MFSD11: variants seen among roughly 807,000 people sequenced by gnomAD.
MFSD11 encodes the protein UNC93-like protein MFSD11.
MFSD11 carries 36 observed loss-of-function variants against 53.5 expected under a neutral mutation model. The observed-to-expected ratio is 0.67, with a 90% CI of 0.52 to 0.89. The LOEUF is 0.89. Ranked by LOEUF, MFSD11 falls within the 40% of genes least tolerant of loss-of-function variation. The pLI, the probability that MFSD11 is intolerant of heterozygous loss-of-function variation, is 0.00. For synonymous variants in MFSD11, 186 were observed against 184.9 expected, an observed-to-expected ratio of 1.01 and a Z score of -0.05; for missense variants, 530 against 543.9, an observed-to-expected ratio of 0.97 and a Z score of 0.25.
the MFSD11 span, among the ~76,000 whole-genome samples, chr17:76,800,341 A>C: frequency 6.6e-6 from 1 of 152,160 alleles, no homozygotes; most frequent in African/African-American, 2.4e-5. Context: ...GGTATCCTTA[A>C]GGGAGGTAAA....
Position 76,744,386 on chromosome 17 carries a change from C to T in MFSD11, c.561C>T (p.Phe187=), listed in dbSNP as rs768185452. ...TTAGCCTTGTGGGGACAGTTCTATT[C>T]TTTCTCATTCGGAAACCAGATTCTG... ...TVISLVGTVL[F]FLIRKPDSEN... Residue 187 remains phenylalanine, a synonymous_variant, in exon 7 of 13, where the codon TTC becomes TTT. Transcript: ENST00000685175. 6 of 1,614,062 alleles carry T rather than the reference C, an allele frequency of 3.7e-6. No homozygotes were observed. In the Admixed American group the frequency reaches 8.3e-5, roughly 22 times the overall value.
upstream of MFSD11, chr17:76,737,699 GCC>G (rs1358769854): frequency 5.7e-6 from 1 of 175,696 alleles, no homozygotes; most frequent in Non-Finnish European, 1.2e-5. Flanking sequence ...TCAGCCGTCA[GCC>G]CCGTCTCCGT....
intron 7 of MFSD11, among the ~76,000 whole-genome samples, chr17:76,746,004 G>A (rs2078511241): frequency 6.6e-6 from 1 of 152,158 alleles, no homozygotes; most frequent in African/African-American, 2.4e-5. Flanking sequence ...TAGCAAGGAA[G>A]ACATGTAGAA....
At chr17:76,737,426 G>T (rs2077574536), upstream of MFSD11, 1 of 397,124 alleles carries the variant, frequency 2.5e-6, no homozygotes, top group Admixed American at 4.2e-5. Context: ...GGCCCACCGC[G>T]CCCCGCTTCG....
rs118052630 is a variant in MFSD11 at position 76,749,443 on chromosome 17, C to T, written c.642-4604C>T. Among the ~76,000 whole-genome samples, 126 of 151,896 alleles carry T rather than the reference C, an allele frequency of 8.3e-4. No individual in the cohort carries two copies. In the South Asian group the frequency reaches 0.013, roughly 16 times the overall value. On this transcript the variant is annotated intron_variant, in intron 7 of 12. Coordinates refer to ENST00000685175, the MANE Select transcript of MFSD11 (RefSeq NM_001242532.5). ...ACTTGAGAGACTGAGGTGGGAGAATCGCTTACGCCCAGGACGCGGAGGTTG... is the reference window on the plus strand; with the variant it reads ...ACTTGAGAGACTGAGGTGGGAGAATTGCTTACGCCCAGGACGCGGAGGTTG...
upstream of MFSD11, chr17:76,737,196 C>T (rs2143952227): frequency 2.0e-6 from 3 of 1,509,790 alleles, no homozygotes; most frequent in South Asian, 1.3e-5. Flanking sequence ...CGCGAACTGG[C>T]GCCGGCTTCC....
rs1324374129 is a variant in MFSD11, at chr17:76,776,039, C to T, written c.1050-367C>T. Among the ~76,000 whole-genome samples the T allele has an allele frequency of 1.3e-5, 2 of 152,148 alleles. No individual in the cohort carries two copies. The highest frequency in any genetic ancestry group is 2.1e-4 in the South Asian group (1 of 4,824). On this transcript the variant is annotated intron_variant, in intron 11 of 12. Coordinates refer to ENST00000685175, the MANE Select transcript of MFSD11 (RefSeq NM_001242532.5). This position sits in a 1 kb window ranked among gnomAD's most constrained non-coding sequence, Gnocchi z 4.2. ...GTCTGCCAGCCTAGAATGCAAGTGG[C>T]GTGATCTCCGCTCACTGCAACCTCC...
chr17:76,741,540 C>T (rs2078081640), intron 3 of MFSD11, among the ~76,000 whole-genome samples: 1 of 152,064 alleles, frequency 6.6e-6, no homozygotes, highest in Admixed American at 6.5e-5. Flanking sequence ...TTTGGGAGGC[C>T]GAGGTATTGC....
chr17:76,765,452 CTTTTTTTTTTTTT>C (rs59878271), intron 8 of MFSD11, among the ~76,000 whole-genome samples: 9 of 91,468 alleles, frequency 9.8e-5, no homozygotes, highest in East Asian at 6.1e-4. Flanking sequence ...CTTGAATTTC[CTTTTTTTTTTTTT>C]TTTTTTTTTT....
At chr17:76,753,395 G>A (rs778393541) in intron 7 of MFSD11, among the ~76,000 whole-genome samples, 2 of 152,122 alleles carry the variant, frequency 1.3e-5, no homozygotes, top group South Asian at 2.1e-4. Flanking sequence ...AGGATAGGCC[G>A]GGTGTGGTGG....
chr17:76,792,680 G>T, the MFSD11 span, among the ~76,000 whole-genome samples: 1 of 151,348 alleles, frequency 6.6e-6, no homozygotes, highest in East Asian at 1.9e-4. Context: ...GGTTGCAGGT[G>T]CAATTAAGGC....
downstream of MFSD11, among the ~76,000 whole-genome samples, chr17:76,783,253 A>AC (rs1409627599): frequency 2.6e-5 from 4 of 152,086 alleles, no homozygotes; most frequent in Admixed American, 2.6e-4. Flanking sequence ...ACTTGTAGCT[A>AC]AGTAAATGCT....
downstream of MFSD11, among the ~76,000 whole-genome samples, chr17:76,781,986 T>C (rs2082174138): frequency 2.7e-5 from 4 of 148,078 alleles, no homozygotes; most frequent in Admixed American, 2.7e-4. Flanking sequence ...CATGCCTGGA[T>C]AATTTTTTTT....
Position 76,742,049 on chromosome 17 carries a change from G to A in MFSD11, c.340+1G>A, listed in dbSNP as rs1240819535. ...GTTTTCATTGGAATTGCTGCTGCTGGTAAGCATTTTGATTTTTAACTTCTC... is the reference window on the plus strand; with the variant it reads ...GTTTTCATTGGAATTGCTGCTGCTGATAAGCATTTTGATTTTTAACTTCTC... On this transcript the variant is annotated splice_donor_variant, in intron 4 of 12. Transcript: ENST00000685175. LOFTEE classifies it high-confidence loss of function. 1 of 1,614,112 alleles carries A rather than the reference G, an allele frequency of 6.2e-7. No homozygotes were observed. Among genetic ancestry groups the A allele is most frequent in the African/African-American group, 1.3e-5 (1 of 75,014 alleles).
downstream of MFSD11, among the ~76,000 whole-genome samples, chr17:76,785,086 A>G (rs7211453): frequency 0.19 from 29,072 of 152,210 alleles, 3,345 homozygotes; most frequent in Admixed American, 0.26. Context: ...TTCATCAGTG[A>G]ATGGAACAAA....
At chr17:76,752,395 G>A (rs1235609491) in intron 7 of MFSD11, among the ~76,000 whole-genome samples, 4 of 151,576 alleles carry the variant, frequency 2.6e-5, no homozygotes, top group African/African-American at 7.3e-5. Flanking sequence ...GAAAAGTCAG[G>A]GATTTTTTTT....
At chr17:76,788,126 C>T in the MFSD11 span, among the ~76,000 whole-genome samples, 1 of 149,064 alleles carries the variant, frequency 6.7e-6, no homozygotes, top group South Asian at 2.2e-4. Context: ...CTGCAAGCTC[C>T]GCCTCCTGGG....
In MFSD11 at chr17:76,779,341, A is replaced by T. The variant is rs2082092323; in HGVS notation, c.*989A>T. The T allele has an allele frequency of 6.6e-6, 1 of 151,692 alleles. No homozygotes were observed. Among genetic ancestry groups the T allele is most frequent in the South Asian group, 2.1e-4 (1 of 4,826 alleles). 9.4% of individuals were successfully genotyped at this position (151,692 alleles called of 1,614,324 possible). A position where few individuals can be genotyped will look rare whatever the true frequency, so the allele number is the denominator to read the frequency against. The stretch of plus-strand genomic sequence containing the variant: ...ATAAATAACAAGATGCTGAAATGAA[A>T]TATTGATTTTGAAAAGATGTCTTCC... On this transcript the variant is annotated 3_prime_UTR_variant, in exon 13 of 13. Coordinates refer to ENST00000685175, the MANE Select transcript of MFSD11 (RefSeq NM_001242532.5).
chr17:76,746,206 T>G (rs77085217), intron 7 of MFSD11, among the ~76,000 whole-genome samples: 3,623 of 152,288 alleles, frequency 0.024, 146 homozygotes, highest in African/African-American at 0.082. Flanking sequence ...GCCACAACAT[T>G]CTCTGAAGCC....
Sources: gnomAD v4.1 joint callset for allele counts (sites outside exome capture counted in the v4.1 genomes callset) on GRCh38, gnomAD v4.1.1 for gene constraint, Gnocchi (gnomAD v3.1) non-coding constraint, MANE v1.5 for transcripts, NCBI Gene and HGNC (gene_info 2026-07-23, HGNC 2026-07-21) for gene names.